Variants in CALN1 observed in about 807,000 individuals in gnomAD.
CALN1 encodes the protein calneuron 1, also known as calcium-binding protein 8.
Under a neutral mutation model 30.6 loss-of-function variants are expected in CALN1, and 17 were observed. The ratio of observed to expected loss-of-function variants is 0.56; its 90% confidence interval spans 0.38 to 0.83. The LOEUF is 0.83. Among genes scored for constraint, CALN1 ranks in the 40% least tolerant of loss-of-function variants. The pLI, the probability that CALN1 is intolerant of heterozygous loss-of-function variation, is 0.00. For synonymous variants in CALN1, 156 were observed against 131.4 expected, an observed-to-expected ratio of 1.19 and a Z score of -1.28; for missense variants, 291 against 354.9, an observed-to-expected ratio of 0.82 and a Z score of 1.45.
intron 4 of CALN1, among the ~76,000 whole-genome samples, chr7:72,101,349 C>CT (rs1288299868): frequency 6.6e-6 from 1 of 152,116 alleles, no homozygotes; most frequent in African/African-American, 2.4e-5. Flanking sequence ...AAGGAGGAAA[C>CT]TTTTTTCCCT....
chr7:71,840,238 G>A (rs1334917136), intron 5 of CALN1, among the ~76,000 whole-genome samples: 1 of 152,114 alleles, frequency 6.6e-6, no homozygotes, highest in African/African-American at 2.4e-5. Context: ...TGAAGCAGGA[G>A]CATTGCTTGA....
At chr7:72,400,256 G>A (rs1806247780) in intron 2 of CALN1, among the ~76,000 whole-genome samples, 1 of 151,998 alleles carries the variant, frequency 6.6e-6, no homozygotes, top group African/African-American at 2.4e-5. Context: ...TCTTCTCTTG[G>A]GCACTACTGA....
intron 1 of CALN1, among the ~76,000 whole-genome samples, chr7:72,427,518 T>A (rs1807833498): frequency 6.6e-6 from 1 of 152,160 alleles, no homozygotes; most frequent in Non-Finnish European, 1.5e-5. Context: ...GGGACCTGAT[T>A]CCAATGTCCT....
chr7:72,430,534 T>C (rs1161397368), intron 1 of CALN1, among the ~76,000 whole-genome samples: 3 of 152,256 alleles, frequency 2.0e-5, no homozygotes, highest in South Asian at 2.1e-4. Context: ...TGGGATGTTG[T>C]TACACCTTTT....
At chr7:72,026,007 C>A (rs113006122) in intron 4 of CALN1, among the ~76,000 whole-genome samples, 3 of 152,206 alleles carry the variant, frequency 2.0e-5, no homozygotes, top group African/African-American at 7.2e-5. Context: ...GAGGGGCAGT[C>A]GGTGGCCTCT....
chr7:71,975,100 G>C (rs1473083961), intron 5 of CALN1, among the ~76,000 whole-genome samples: 5 of 152,168 alleles, frequency 3.3e-5, no homozygotes, highest in Admixed American at 3.3e-4. Context: ...TCATCAGCAA[G>C]AAGGGTGCTG....
chr7:72,438,131 A>C (rs1335498806), intron 1 of CALN1, among the ~76,000 whole-genome samples: 2 of 151,546 alleles, frequency 1.3e-5, no homozygotes, highest in Non-Finnish European at 2.9e-5. Context: ...GCGCCACCAC[A>C]CCCAGCTAAT....
At chr7:72,076,847 C>G (rs902455434) in intron 4 of CALN1, among the ~76,000 whole-genome samples, 4 of 152,120 alleles carry the variant, frequency 2.6e-5, no homozygotes, top group African/African-American at 9.7e-5. Context: ...CAGCAAGGAA[C>G]AGAAACAAGT....
At chr7:71,963,437 A>C (rs1797358295) in intron 5 of CALN1, among the ~76,000 whole-genome samples, 1 of 152,118 alleles carries the variant, frequency 6.6e-6, no homozygotes, top group Non-Finnish European at 1.5e-5. Context: ...CTGGGATTAC[A>C]GGTGTGAGCC....
chr7:72,058,293 C>T (rs1803404618), intron 4 of CALN1, among the ~76,000 whole-genome samples: 2 of 142,546 alleles, frequency 1.4e-5, no homozygotes, highest in African/African-American at 5.1e-5. Flanking sequence ...TTGCTACAAG[C>T]TGCAACAAGC....
In CALN1 at chr7:72,329,103, A is replaced by G. The variant is rs148515857; in HGVS notation, c.120-50293T>C. On this transcript the variant is annotated intron_variant, in intron 2 of 6. Transcript: ENST00000395275. ...CAACAGCTTTGGACAAGCATTGTTA[A>G]CATTTTTGGTCCATTTATTTCCATT... Among the ~76,000 whole-genome samples the G allele has an allele frequency of 1.6e-4, 25 of 152,350 alleles. No homozygotes were observed. The East Asian group carries it at 4.0e-3, about 25-fold the overall frequency.
chr7:71,998,589 T>G (rs77351043), intron 5 of CALN1, among the ~76,000 whole-genome samples: 2 of 151,682 alleles, frequency 1.3e-5, no homozygotes, highest in African/African-American at 2.4e-5. Context: ...TTTTTTTTTT[T>G]GAGACAGTCT....
At chr7:71,923,035 A>G (rs75343461) in intron 5 of CALN1, among the ~76,000 whole-genome samples, 3,737 of 151,480 alleles carry the variant, frequency 0.025, 145 homozygotes, top group African/African-American at 0.081. Context: ...ATTCTATACT[A>G]TACTATACTA....
chr7:72,502,040 C>T, the CALN1 span, among the ~76,000 whole-genome samples: 25 of 134,576 alleles, frequency 1.9e-4, no homozygotes, highest in Middle Eastern at 4.9e-3. Flanking sequence ...TCTAAGTAAA[C>T]GTTAGAAAGA....
At chr7:72,460,846 C>T in the CALN1 span, among the ~76,000 whole-genome samples, 4 of 151,994 alleles carry the variant, frequency 2.6e-5, no homozygotes, top group African/African-American at 9.7e-5. Flanking sequence ...TTGGGAGGTG[C>T]CCCCTATAGA....
chr7:72,356,849 TGATTAAACATA>T (rs1803263265), intron 2 of CALN1, among the ~76,000 whole-genome samples: 1 of 152,004 alleles, frequency 6.6e-6, no homozygotes, highest in Admixed American at 6.6e-5. Flanking sequence ...GAAACGGATC[TGATTAAACATA>T]GCTGCTTCAG....
chr7:72,075,826 G>C (rs1448929523), intron 4 of CALN1, among the ~76,000 whole-genome samples: 1 of 152,156 alleles, frequency 6.6e-6, no homozygotes, highest in Non-Finnish European at 1.5e-5. Flanking sequence ...TCAACAAATA[G>C]AGACATCTGG....
At chr7:72,413,284 ACAC>A (rs573645508), upstream of CALN1, among the ~76,000 whole-genome samples, 21 of 151,278 alleles carry the variant, frequency 1.4e-4, no homozygotes, top group East Asian at 7.7e-4. Context: ...ATGCACACAC[ACAC>A]CACATGTACA....
chr7:72,407,289 T>C (rs895954632), intron 1 of CALN1, among the ~76,000 whole-genome samples: 3 of 152,184 alleles, frequency 2.0e-5, no homozygotes, highest in African/African-American at 7.2e-5. Flanking sequence ...CTTTTAAAGT[T>C]ATTGTAAAGT....
Sources: gnomAD v4.1 joint callset for allele counts (sites outside exome capture counted in the v4.1 genomes callset) on GRCh38, gnomAD v4.1.1 for gene constraint, MANE v1.5 for transcripts, NCBI Gene and HGNC (gene_info 2026-07-23, HGNC 2026-07-21) for gene names.